The following DDX10 variants were observed in gnomAD, a reference collection of about 807,000 sequenced individuals.
DDX10 encodes DEAD-box helicase 10.
Under a neutral mutation model 104.3 loss-of-function variants are expected in DDX10, and 74 were observed. The observed-to-expected ratio is 0.71, with a 90% confidence interval of 0.59 to 0.86. The LOEUF (loss-of-function observed/expected upper bound fraction) is 0.86. Ranked by LOEUF, DDX10 falls within the 40% of genes least tolerant of loss-of-function variation. DDX10 has a pLI of 0.00. For missense variants in DDX10, 952 were observed against 1,040.0 expected (o/e 0.92, Z 1.16); for synonymous variants, 351 against 353.4 (o/e 0.99, Z 0.08).
At chr11:108,877,668 A>T (rs945394557) in intron 16 of DDX10, among the ~76,000 whole-genome samples, 1 of 152,208 alleles carries the variant, frequency 6.6e-6, no homozygotes, top group Non-Finnish European at 1.5e-5. Context: ...TATGTAAAAG[A>T]TCTATATTTC....
At chr11:108,726,903 T>C (rs1279163248) in intron 13 of DDX10, among the ~76,000 whole-genome samples, 3 of 152,146 alleles carry the variant, frequency 2.0e-5, no homozygotes, top group Non-Finnish European at 2.9e-5. Flanking sequence ...AAATGAATTG[T>C]GACTTGTGTC....
At chr11:108,872,385 T>C (rs1392311820) in intron 16 of DDX10, among the ~76,000 whole-genome samples, 1 of 152,228 alleles carries the variant, frequency 6.6e-6, no homozygotes, top group Admixed American at 6.5e-5. Flanking sequence ...AAAAGCAAAT[T>C]GATACAAGCA....
At chr11:108,862,323 C>T (rs542616639) in intron 16 of DDX10, among the ~76,000 whole-genome samples, 61 of 152,184 alleles carry the variant, frequency 4.0e-4, no homozygotes, top group African/African-American at 1.4e-3. Flanking sequence ...TGAGCCTGGC[C>T]AAAGATTACT....
intron 17 of DDX10, among the ~76,000 whole-genome samples, chr11:108,933,313 C>T (rs1863998033): frequency 1.3e-5 from 2 of 152,120 alleles, no homozygotes; most frequent in Middle Eastern, 6.8e-3. Context: ...GTTCAGCTGA[C>T]TTAGCAGGAT....
chr11:108,867,926 A>C (rs1389190902), intron 16 of DDX10, among the ~76,000 whole-genome samples: 2 of 152,144 alleles, frequency 1.3e-5, no homozygotes, highest in Non-Finnish European at 2.9e-5. Flanking sequence ...CAAGGAAATA[A>C]TAACTTATAA....
intron 13 of DDX10, among the ~76,000 whole-genome samples, chr11:108,760,223 A>C (rs908075339): frequency 4.0e-5 from 6 of 151,882 alleles, no homozygotes; most frequent in Non-Finnish European, 8.8e-5. Flanking sequence ...TATTGGATTG[A>C]ATTTTTATGG....
intron 13 of DDX10, among the ~76,000 whole-genome samples, chr11:108,780,456 AGTCT>A (rs1250429218): frequency 6.6e-6 from 1 of 152,132 alleles, no homozygotes; most frequent in African/African-American, 2.4e-5. Context: ...CTATAGGTCT[AGTCT>A]GTCTGTTTAG....
At chr11:108,761,388 C>T (rs1055479376) in intron 13 of DDX10, among the ~76,000 whole-genome samples, 2 of 152,068 alleles carry the variant, frequency 1.3e-5, no homozygotes, top group Non-Finnish European at 2.9e-5. Context: ...CCTATGAGTT[C>T]GTTTTGTGTG....
intron 16 of DDX10, among the ~76,000 whole-genome samples, chr11:108,886,667 A>G (rs534838637): frequency 6.6e-6 from 1 of 152,354 alleles, no homozygotes; most frequent in South Asian, 2.1e-4. Flanking sequence ...TTTATTTGGA[A>G]TGAAACAAAT....
chr11:108,918,072 T>A, intron 17 of DDX10, 54 bp downstream of exon 17: 1 of 1,553,668 alleles, frequency 6.4e-7, no homozygotes, highest in Non-Finnish European at 8.9e-7. Context: ...ACATCAGTCT[T>A]TTAATGAATC....
chr11:108,762,252 G>A (rs1026738632), intron 13 of DDX10, among the ~76,000 whole-genome samples: 3 of 152,040 alleles, frequency 2.0e-5, no homozygotes, highest in South Asian at 2.1e-4. Context: ...ATAGATAAGC[G>A]GCCCCTATGT....
At chr11:108,934,594 G>C (rs1200830719) in intron 17 of DDX10, among the ~76,000 whole-genome samples, 1 of 152,090 alleles carries the variant, frequency 6.6e-6, no homozygotes, top group African/African-American at 2.4e-5. Flanking sequence ...GAGGAAACTG[G>C]GAAGGTACAA....
intron 13 of DDX10, among the ~76,000 whole-genome samples, chr11:108,833,537 C>T (rs1352743060): frequency 6.6e-6 from 1 of 152,238 alleles, no homozygotes; most frequent in African/African-American, 2.4e-5. Flanking sequence ...CCCATGTGGG[C>T]ATTTCTGTTC....
rs530224865 is a variant in DDX10 at position 108,730,718 on chromosome 11, C to T, written c.1965+7256C>T. Among the ~76,000 whole-genome samples, 14 of 152,078 alleles carry T rather than the reference C, an allele frequency of 9.2e-5. No individual in the cohort carries two copies. In the East Asian group the frequency reaches 2.1e-3, roughly 23 times the overall value. On this transcript the variant is annotated intron_variant, in intron 13 of 17. Transcript: ENST00000322536. ...CTCTAAATGATATACTTATGTAGGC[C>T]GAGCTTTATAATTTAATTTGGATAG... is the stretch of plus-strand genomic sequence containing the variant.
intron 9 of DDX10, among the ~76,000 whole-genome samples, chr11:108,695,336 A>C (rs1025297385): frequency 6.6e-6 from 1 of 152,210 alleles, no homozygotes; most frequent in Non-Finnish European, 1.5e-5. Context: ...GGTATTTATC[A>C]TATGGATTCC....
intron 17 of DDX10, among the ~76,000 whole-genome samples, chr11:108,932,941 T>C (rs1191636154): frequency 6.6e-6 from 1 of 152,026 alleles, no homozygotes; most frequent in Non-Finnish European, 1.5e-5. Context: ...TGTTACTGCA[T>C]GTCTTATGGA....
chr11:108,689,346 G>T (rs2094248938), intron 7 of DDX10, among the ~76,000 whole-genome samples: 2 of 152,106 alleles, frequency 1.3e-5, no homozygotes, highest in Admixed American at 1.3e-4. Flanking sequence ...CTAAGCAGAG[G>T]TCTTTATAAT....
intron 6 of DDX10, among the ~76,000 whole-genome samples, chr11:108,683,530 T>C (rs2094238437): frequency 6.6e-6 from 1 of 152,206 alleles, no homozygotes; most frequent in African/African-American, 2.4e-5. Flanking sequence ...AGCTCTCAGA[T>C]GCTGCCAGTC....
rs536260057 is a variant in DDX10, at chr11:108,834,459, A to G, written c.1966-3987A>G. 4.6e-5 allele frequency among the ~76,000 whole-genome samples: 7 copies of G among 152,248 alleles called. No homozygotes were observed. In the East Asian group the frequency reaches 1.2e-3, roughly 25 times the overall value. ...ATACAATGAAATGCACAAATCTTAC[A>G]TGTAACATTTGATGAATTTTGACAA... On this transcript the variant is annotated intron_variant, in intron 13 of 17. Transcript: ENST00000322536.
Sources: gnomAD v4.1 joint callset for allele counts (sites outside exome capture counted in the v4.1 genomes callset) on GRCh38, gnomAD v4.1.1 for gene constraint, MANE v1.5 for transcripts, NCBI Gene and HGNC (gene_info 2026-07-23, HGNC 2026-07-21) for gene names.